Variants in BBC3 observed in about 807,000 individuals in gnomAD.
BBC3 encodes the protein BCL2 binding component 3.
A neutral mutation model predicts 18.2 loss-of-function variants in BBC3; 5 were observed. The ratio of observed to expected loss-of-function variants is 0.27; its 90% CI spans 0.14 to 0.58. The LOEUF is 0.58. Among genes scored for constraint, BBC3 ranks in the 20% least tolerant of loss-of-function variants. The probability of loss-of-function intolerance (pLI) is 0.91; values close to 1 mark genes in which losing one functional copy is unlikely to be tolerated. For missense variants in BBC3, 224 were observed against 268.9 expected (o/e 0.83, Z 1.17); for synonymous variants, 119 against 128.0 (o/e 0.93, Z 0.47).
intron 3 of BBC3, among the ~76,000 whole-genome samples, chr19:47,225,301 G>A (rs907851211): frequency 7.2e-5 from 11 of 152,044 alleles, no homozygotes; most frequent in African/African-American, 2.7e-4. Flanking sequence ...ACTTGCCTCC[G>A]CCTCCCAAAG....
rs578151733 is a variant in BBC3 at position 47,222,348 on chromosome 19, C to T, written c.466-430G>A. On this transcript the variant is annotated intron_variant, in intron 3 of 3. Coordinates refer to ENST00000439096, the MANE Select transcript of BBC3 (RefSeq NM_014417.5). ...TGGAAGGAGGAGAACTGGGAAGAGCCCCCCCCATTGCAGAGGCTTCAACAG... is the reference window on the plus strand; with the variant it reads ...TGGAAGGAGGAGAACTGGGAAGAGCTCCCCCCATTGCAGAGGCTTCAACAG... The T allele has an allele frequency of 1.7e-3, 272 of 155,810 alleles. 1 individual carries two copies. The highest frequency in any genetic ancestry group is 2.4e-3 in the Non-Finnish European group (171 of 70,588). 9.7% of individuals were successfully genotyped at this position (155,810 alleles called of 1,614,324 possible).
chr19:47,232,311 A>G (rs1203085475), upstream of BBC3, among the ~76,000 whole-genome samples: 1 of 152,240 alleles, frequency 6.6e-6, no homozygotes, highest in African/African-American at 2.4e-5. Flanking sequence ...AGATAGTGCC[A>G]TTGCACTCTA....
Position 47,221,590 on chromosome 19 carries a change from G to T in BBC3, c.*212C>A. 1 of 1,026,526 alleles carries T rather than the reference G, an allele frequency of 9.7e-7. No homozygotes were observed. The highest frequency in any genetic ancestry group is 1.6e-5 in the South Asian group (1 of 64,116). The allele number at this position is 1,026,526 out of a possible 1,614,324, so 63.6% of individuals were successfully genotyped here. ...TCAGCCGTCCCTCTCCTGGCTTCTT[G>T]GCCAGGGACCCAGGAGTCCGCATCT... On this transcript the variant is annotated 3_prime_UTR_variant, in exon 4 of 4. Coordinates refer to ENST00000439096, the MANE Select transcript of BBC3 (RefSeq NM_014417.5).
chr19:47,222,870 G>A (rs2058767485), intron 3 of BBC3, among the ~76,000 whole-genome samples: 1 of 151,158 alleles, frequency 6.6e-6, no homozygotes, highest in Non-Finnish European at 1.5e-5. Flanking sequence ...GAAGGCTGAG[G>A]CAGGAGAATC....
In BBC3 at chr19:47,228,720, G is replaced by A. The variant is rs912426972; in HGVS notation, c.-15-274C>T. Among the ~76,000 whole-genome samples the A allele has an allele frequency of 6.6e-6, 1 of 152,064 alleles. No homozygotes were observed. Among genetic ancestry groups the A allele is most frequent in the African/African-American group, 2.4e-5 (1 of 41,404 alleles). On this transcript the variant is annotated intron_variant, in intron 1 of 3. Coordinates refer to ENST00000439096, the MANE Select transcript of BBC3 (RefSeq NM_014417.5). The surrounding 1 kb of genome is among the most constrained non-coding windows in gnomAD (Gnocchi z 5.5). Reference sequence around the variant, plus strand: ...AGCAAGGACAGGGCTCACACAGGACGGATGGAGGGGTCTAGCAGGTGTGTG... The same window carrying A: ...AGCAAGGACAGGGCTCACACAGGACAGATGGAGGGGTCTAGCAGGTGTGTG...
upstream of BBC3, chr19:47,232,706 G>T: frequency 9.4e-7 from 1 of 1,067,154 alleles, no homozygotes; most frequent in Non-Finnish European, 1.4e-6. Context: ...CCAAAGCCGT[G>T]GATTCCTGTC....
rs2058862876 is a variant in BBC3, at chr19:47,228,225, G to A, written c.207C>T (p.Thr69=). 1 of 1,221,212 alleles carries A rather than the reference G, an allele frequency of 8.2e-7. No individual in the cohort carries two copies. Among genetic ancestry groups the A allele is most frequent in the East Asian group, 3.2e-5 (1 of 30,850 alleles). 75.6% of individuals were successfully genotyped at this position (1,221,212 alleles called of 1,614,324 possible). ...LCAPTAPPAV[T]AALGGSRWPG... ...GCCAGCGGGAACCCCCCAGGGCGGC[G>A]GTGACGGCGGGTGGGGCGGTGGGGG... is the stretch of plus-strand genomic sequence containing the variant. Residue 69 remains threonine, a synonymous_variant, in exon 2 of 4, where the codon ACC becomes ACT. Coordinates refer to ENST00000439096, the MANE Select transcript of BBC3 (RefSeq NM_014417.5). The surrounding 1 kb of genome is among the most constrained non-coding windows in gnomAD (Gnocchi z 5.5).
chr19:47,225,402 G>C (rs1175625774), intron 3 of BBC3, among the ~76,000 whole-genome samples: 1 of 151,732 alleles, frequency 6.6e-6, no homozygotes, highest in East Asian at 1.9e-4. Context: ...CTGTCCCCCA[G>C]GCTGGAGTTC....
chr19:47,228,078 C>A lies in BBC3; in HGVS notation c.274+80G>T, dbSNP rs932464978. The A allele has an allele frequency of 2.7e-6, 3 of 1,120,694 alleles. No individual in the cohort carries two copies. The highest frequency in any genetic ancestry group is 3.4e-6 in the Non-Finnish European group (3 of 893,220). 69.4% of individuals were successfully genotyped at this position (1,120,694 alleles called of 1,614,324 possible). ...GGCCCGCCACCTCCCCCCGTCCTCT[C>A]CCACTTCTCCAGTTCCTCCGAGTCT... On this transcript the variant is annotated intron_variant, in intron 2 of 3. Coordinates refer to ENST00000439096, the MANE Select transcript of BBC3 (RefSeq NM_014417.5). This position sits in a 1 kb window ranked among gnomAD's most constrained non-coding sequence, Gnocchi z 5.5.
At position 47,230,129 on chromosome 19, in the gene BBC3, C is replaced by T. The variant is rs920258119; in HGVS notation, c.-16+800G>A. On this transcript the variant is annotated intron_variant, in intron 1 of 3. Coordinates refer to ENST00000439096, the MANE Select transcript of BBC3 (RefSeq NM_014417.5). This position sits in a 1 kb window ranked among gnomAD's most constrained non-coding sequence, Gnocchi z 6.7. ...ATCCCGGAACAGCACACACAGACAA[C>T]TCTCACCGACAACACACGCAGGTCC... 6.6e-6 allele frequency among the ~76,000 whole-genome samples: 1 copy of T among 151,988 alleles called. No individual in the cohort carries two copies. The highest frequency in any genetic ancestry group is 1.5e-5 in the Non-Finnish European group (1 of 67,994).
Position 47,221,755 on chromosome 19 carries a change from G to A in BBC3, c.*47C>T, listed in dbSNP as rs1247197811. 2.5e-6 allele frequency: 4 copies of A among 1,605,334 alleles called. No homozygotes were observed. The highest frequency in any genetic ancestry group is 2.2e-5 in the East Asian group (1 of 44,760). ...TGGCCAGGGTGTCAGGAGGTGGGAGGGGCCTGCCCCCCGAGTCCCTGACGT... is the reference window on the plus strand; with the variant it reads ...TGGCCAGGGTGTCAGGAGGTGGGAGAGGCCTGCCCCCCGAGTCCCTGACGT... On this transcript the variant is annotated 3_prime_UTR_variant, in exon 4 of 4. Transcript: ENST00000439096.
Position 47,221,887 on chromosome 19 carries a change from G to A in BBC3, c.497C>T (p.Ser166Leu), listed in dbSNP as rs2058756227. The A allele has an allele frequency of 6.2e-7, 1 of 1,610,398 alleles. No individual in the cohort carries two copies. The highest frequency in any genetic ancestry group is 1.7e-5 in the Admixed American group (1 of 58,932). ...RQEEQQRHRP[S>L]PWRVLYNLIM... ...GAGATTGTACAGGACCCTCCAGGGTGAGGGGCGGTGCCGCTGCTGCTCCTC... is the reference window on the plus strand; with the variant it reads ...GAGATTGTACAGGACCCTCCAGGGTAAGGGGCGGTGCCGCTGCTGCTCCTC... Residue 166 changes from serine to leucine, a missense_variant, in exon 4 of 4, where the codon TCA (serine) becomes TTA (leucine). Ser to Leu is a moderately radical substitution (Grantham distance 145). Coordinates refer to ENST00000439096, the MANE Select transcript of BBC3 (RefSeq NM_014417.5).
intron 3 of BBC3, among the ~76,000 whole-genome samples, chr19:47,226,197 C>G (rs933151642): frequency 6.6e-6 from 1 of 151,546 alleles, no homozygotes; most frequent in Non-Finnish European, 1.5e-5. Flanking sequence ...CGGCAGGGGG[C>G]GGGCGCGGCG....
In BBC3 at chr19:47,228,059, C is replaced by A. The variant is rs1242079517; in HGVS notation, c.274+99G>T. Reference sequence around the variant, plus strand: ...CCTCCCAGTGGCCCGGCTGGGCCCGCCACCTCCCCCCGTCCTCTCCCACTT... The same window carrying A: ...CCTCCCAGTGGCCCGGCTGGGCCCGACACCTCCCCCCGTCCTCTCCCACTT... On this transcript the variant is annotated intron_variant, in intron 2 of 3. Transcript: ENST00000439096. This position sits in a 1 kb window ranked among gnomAD's most constrained non-coding sequence, Gnocchi z 5.5. The A allele has an allele frequency of 9.8e-7, 1 of 1,021,298 alleles. No individual in the cohort carries two copies. The highest frequency in any genetic ancestry group is 1.2e-6 in the Non-Finnish European group (1 of 804,408). The allele number at this position is 1,021,298 out of a possible 1,614,324, so 63.3% of individuals were successfully genotyped here. A position where few individuals can be genotyped will look rare whatever the true frequency, so the allele number is the denominator to read the frequency against.
intron 3 of BBC3, among the ~76,000 whole-genome samples, chr19:47,223,195 C>G (rs959053030): frequency 6.6e-5 from 10 of 150,722 alleles, no homozygotes; most frequent in Admixed American, 3.3e-4. Flanking sequence ...GGCGTGAACC[C>G]GGTAGGTGGA....
chr19:47,230,741 G>T lies in BBC3; in HGVS notation c.-16+188C>A. On this transcript the variant is annotated intron_variant, in intron 1 of 3. Transcript: ENST00000439096. The surrounding 1 kb of genome is among the most constrained non-coding windows in gnomAD (Gnocchi z 6.7). Reference sequence around the variant, plus strand: ...GAGGCACCTGTGCGCCCAGACCGGCGCCCCAACGCCGAGCCGCCTCTCACC... The same window carrying T: ...GAGGCACCTGTGCGCCCAGACCGGCTCCCCAACGCCGAGCCGCCTCTCACC... 1.0e-6 allele frequency: 1 copy of T among 985,134 alleles called. No homozygotes were observed. The highest frequency in any genetic ancestry group is 1.2e-6 in the Non-Finnish European group (1 of 829,848). 61.0% of individuals were successfully genotyped at this position (985,134 alleles called of 1,614,324 possible).
At chr19:47,231,246 G>T (rs899826845), upstream of BBC3, 1 of 599,964 alleles carries the variant, frequency 1.7e-6, no homozygotes, top group Non-Finnish European at 2.1e-6. This position sits in a 1 kb window ranked among gnomAD's most constrained non-coding sequence, Gnocchi z 4.0. Flanking sequence ...GCCCCGCCCC[G>T]CCCCGCCCCG....
Position 47,221,009 on chromosome 19 carries a change from A to T in BBC3, c.*793T>A. The T allele has an allele frequency of 8.6e-6, 1 of 115,636 alleles. No individual in the cohort carries two copies. The highest frequency in any genetic ancestry group is 3.3e-5 in the African/African-American group (1 of 30,714). 7.2% of individuals were successfully genotyped at this position (115,636 alleles called of 1,614,324 possible). The stretch of plus-strand genomic sequence containing the variant: ...CTTCCGAGATTTCCCCCCCTCCCTG[A>T]CTCCCCGTCTTCCCCCCAGCGCTTG... On this transcript the variant is annotated 3_prime_UTR_variant, in exon 4 of 4. Transcript: ENST00000439096.
chr19:47,228,048 G>C lies in BBC3; in HGVS notation c.274+110C>G. On this transcript the variant is annotated intron_variant, in intron 2 of 3. Transcript: ENST00000439096. This position sits in a 1 kb window ranked among gnomAD's most constrained non-coding sequence, Gnocchi z 5.5. ...ATTGGCCACACCCTCCCAGTGGCCC[G>C]GCTGGGCCCGCCACCTCCCCCCGTC... is the stretch of plus-strand genomic sequence containing the variant. 2.2e-6 allele frequency: 2 copies of C among 920,090 alleles called. No homozygotes were observed. The highest frequency in any genetic ancestry group is 2.8e-6 in the Non-Finnish European group (2 of 712,702). The allele number at this position is 920,090 out of a possible 1,614,324, so 57.0% of individuals were successfully genotyped here.
Sources: allele counts gnomAD v4.1 joint callset (sites outside exome capture counted in the v4.1 genomes callset), GRCh38; gene constraint gnomAD v4.1.1; non-coding constraint Gnocchi (gnomAD v3.1); transcripts MANE v1.5; gene names NCBI Gene and HGNC (gene_info 2026-07-23, HGNC 2026-07-21).